Variants in TTC27 observed in about 807,000 individuals in gnomAD.
TTC27 encodes tetratricopeptide repeat domain 27.
A neutral mutation model predicts 115.9 loss-of-function variants in TTC27; 79 were observed. The observed-to-expected ratio is 0.68, with a 90% CI of 0.57 to 0.82. The LOEUF (loss-of-function observed/expected upper bound fraction) is 0.82, where lower values mean the gene tolerates loss of function less well. Among genes scored for constraint, TTC27 ranks in the 40% least tolerant of loss-of-function variants. The probability of loss-of-function intolerance (pLI) is 0.00; values close to 1 mark genes in which losing one functional copy is unlikely to be tolerated. For synonymous variants in TTC27, 401 were observed against 356.0 expected, an observed-to-expected ratio of 1.13 and a Z score of -1.42; for missense variants, 1,054 against 993.1, an observed-to-expected ratio of 1.06 and a Z score of -0.82.
intron 16 of TTC27, among the ~76,000 whole-genome samples, chr2:32,800,300 G>A (rs375940278): frequency 6.6e-6 from 1 of 151,988 alleles, no homozygotes; most frequent in Non-Finnish European, 1.5e-5. Context: ...TGATTCTCCT[G>A]CCTCAGCCTC....
At chr2:32,745,471 C>T (rs1372985145) in intron 12 of TTC27, among the ~76,000 whole-genome samples, 1 of 152,172 alleles carries the variant, frequency 6.6e-6, no homozygotes, top group Non-Finnish European at 1.5e-5. Context: ...ACCTGGACCA[C>T]ACATGAAGTG....
rs141439354 is a variant in TTC27 at position 32,716,114 on chromosome 2, G to A, written c.1233+13194G>A. ...TTACCTTCTAAACCTCTTTCTATGCGTAAGCATAAATATACTTTGACATAA... is the reference window on the plus strand; with the variant it reads ...TTACCTTCTAAACCTCTTTCTATGCATAAGCATAAATATACTTTGACATAA... On this transcript the variant is annotated intron_variant, in intron 10 of 19. Transcript: ENST00000317907. 4.5e-3 allele frequency among the ~76,000 whole-genome samples: 685 copies of A among 152,066 alleles called. 4 individuals are homozygous for A. The highest frequency in any genetic ancestry group is 0.016 in the African/African-American group (657 of 41,492).
chr2:32,690,965 G>A (rs559225254), intron 9 of TTC27, among the ~76,000 whole-genome samples: 1 of 152,268 alleles, frequency 6.6e-6, no homozygotes, highest in African/African-American at 2.4e-5. Flanking sequence ...AAACAATCAC[G>A]CACAGGAGAG....
intron 12 of TTC27, among the ~76,000 whole-genome samples, chr2:32,745,164 A>G (rs954136533): frequency 3.3e-5 from 5 of 152,066 alleles, no homozygotes; most frequent in African/African-American, 1.2e-4. Flanking sequence ...AATATGTTAA[A>G]ACTATTTTGG....
chr2:32,784,809 A>T (rs1349438315), intron 15 of TTC27, among the ~76,000 whole-genome samples: 1 of 152,094 alleles, frequency 6.6e-6, no homozygotes, highest in East Asian at 1.9e-4. Context: ...TTCACCCCCA[A>T]CCCCTGTGGA....
intron 14 of TTC27, among the ~76,000 whole-genome samples, chr2:32,781,963 A>T (rs1167483516): frequency 6.6e-6 from 1 of 152,226 alleles, no homozygotes; most frequent in Non-Finnish European, 1.5e-5. Flanking sequence ...GTGGAAGTCC[A>T]CTGCCACTTA....
intron 12 of TTC27, among the ~76,000 whole-genome samples, chr2:32,740,427 T>C (rs2151918278): frequency 7.1e-6 from 1 of 140,600 alleles, no homozygotes; most frequent in South Asian, 2.4e-4. Context: ...TTTTTAGCAA[T>C]TGGTTTGGAT....
chr2:32,702,910 G>C lies in TTC27; in HGVS notation c.1223G>C (p.Arg408Thr). The change falls in exon 10 of 20, where the codon AGG becomes ACG. Residue 408 changes from arginine to threonine, a missense_variant. Coordinates refer to ENST00000317907, the MANE Select transcript of TTC27 (RefSeq NM_017735.5). ...ACTCGCCGAGTGGAACGGGCAATGA[G>C]GCAGACACAGGTAAGAATTAATGTG... ...GSTRRVERAM[R>T]QTQALADQFE... The C allele has an allele frequency of 6.2e-7, 1 of 1,613,238 alleles. No homozygotes were observed. Among genetic ancestry groups the C allele is most frequent in the Non-Finnish European group, 8.5e-7 (1 of 1,179,312 alleles).
In TTC27 at chr2:32,757,699, T is replaced by G. The variant is rs151187325; in HGVS notation, c.1453-593T>G. 1.1e-4 allele frequency among the ~76,000 whole-genome samples: 17 copies of G among 152,282 alleles called. No homozygotes were observed. In the East Asian group the frequency reaches 1.5e-3, roughly 14 times the overall value. On this transcript the variant is annotated intron_variant, in intron 12 of 19. Coordinates refer to ENST00000317907, the MANE Select transcript of TTC27 (RefSeq NM_017735.5). ...GTATAGTGTAAAAACAACTTTTTTT[T>G]TTGTTTTTTTGAGTCAGAGTTTCAC... is the stretch of plus-strand genomic sequence containing the variant.
In TTC27 at chr2:32,820,221, T is replaced by C. The variant is rs115610892; in HGVS notation, c.2410-595T>C. On this transcript the variant is annotated intron_variant, in intron 19 of 19. Coordinates refer to ENST00000317907, the MANE Select transcript of TTC27 (RefSeq NM_017735.5). ...AAGTTGATTTTCTTGGGGGCCTATG[T>C]TGGCTCAGCAGGCAGTTCCTGGAGA... Among the ~76,000 whole-genome samples, 492 of 152,342 alleles carry C rather than the reference T, an allele frequency of 3.2e-3. 4 individuals carry two copies. Among genetic ancestry groups the C allele is most frequent in the African/African-American group, 0.011 (457 of 41,594 alleles).
chr2:32,666,969 GTT>G (rs5830236), intron 7 of TTC27, among the ~76,000 whole-genome samples: 1 of 150,354 alleles, frequency 6.7e-6, no homozygotes, highest in Non-Finnish European at 1.5e-5. Context: ...AAAAACTGGT[GTT>G]TTTTTTTTCC....
chr2:32,660,785 T>G (rs1023534122), intron 5 of TTC27, among the ~76,000 whole-genome samples: 1 of 152,226 alleles, frequency 6.6e-6, no homozygotes, highest in Non-Finnish European at 1.5e-5. Context: ...AGATCTCATT[T>G]GTCAATTTTG....
chr2:32,799,354 G>C (rs929818495), intron 16 of TTC27, among the ~76,000 whole-genome samples: 4 of 152,116 alleles, frequency 2.6e-5, no homozygotes, highest in Admixed American at 2.6e-4. Flanking sequence ...CTGATGAATT[G>C]TACATTTAAA....
chr2:32,667,579 G>T (rs1665834072), intron 7 of TTC27, among the ~76,000 whole-genome samples: 1 of 151,236 alleles, frequency 6.6e-6, no homozygotes, highest in African/African-American at 2.4e-5. Flanking sequence ...ACCACGCCCG[G>T]CTAATTTTGT....
chr2:32,644,078 G>A (rs969301091), intron 4 of TTC27, among the ~76,000 whole-genome samples: 8 of 151,540 alleles, frequency 5.3e-5, no homozygotes, highest in Non-Finnish European at 1.2e-4. Context: ...CTACTTGGAA[G>A]GCTGAGGCAG....
chr2:32,692,571 A>G (rs1040829890), intron 9 of TTC27, among the ~76,000 whole-genome samples: 2 of 152,142 alleles, frequency 1.3e-5, no homozygotes, highest in Non-Finnish European at 2.9e-5. Context: ...TGTTATATGT[A>G]TTTTACCATA....
chr2:32,673,108 T>G (rs1365263383), intron 8 of TTC27, among the ~76,000 whole-genome samples: 1 of 152,212 alleles, frequency 6.6e-6, no homozygotes, highest in Non-Finnish European at 1.5e-5. Flanking sequence ...AGTTCCTCAT[T>G]TTTGCTTGAC....
At chr2:32,728,630 G>T (rs1164316670) in intron 10 of TTC27, among the ~76,000 whole-genome samples, 1 of 152,168 alleles carries the variant, frequency 6.6e-6, no homozygotes, top group Non-Finnish European at 1.5e-5. Flanking sequence ...TTTTACAGAA[G>T]GTTTTAATAA....
chr2:32,637,479 C>G (rs1250245625), intron 3 of TTC27, among the ~76,000 whole-genome samples: 3 of 151,966 alleles, frequency 2.0e-5, no homozygotes, highest in African/African-American at 7.3e-5. Flanking sequence ...CTACAGGCGC[C>G]CGCCACCGTG....
Sources: gnomAD v4.1 joint callset for allele counts (sites outside exome capture counted in the v4.1 genomes callset) on GRCh38, gnomAD v4.1.1 for gene constraint, MANE v1.5 for transcripts, NCBI Gene and HGNC (gene_info 2026-07-23, HGNC 2026-07-21) for gene names.